The following DNAJC6 variants were observed in gnomAD, a reference collection of about 807,000 sequenced individuals.
DNAJC6 encodes DnaJ heat shock protein family (Hsp40) member C6.
In DNAJC6, 34 loss-of-function variants were observed where a neutral mutation model predicts 110.0. The ratio of observed to expected loss-of-function variants is 0.31; its 90% confidence interval spans 0.24 to 0.41. DNAJC6 has a LOEUF of 0.41. DNAJC6 is among the 10% of genes least tolerant of loss of function. The probability of loss-of-function intolerance (pLI) is 1.00; values close to 1 mark genes in which losing one functional copy is unlikely to be tolerated. For synonymous variants in DNAJC6, 406 were observed against 437.2 expected (o/e 0.93, Z 0.89); for missense variants, 1,031 against 1,207.8 (o/e 0.85, Z 2.17).
chr1:65,354,482 GGAT>G, intron 1 of DNAJC6, among the ~76,000 whole-genome samples: 1 of 152,246 alleles, frequency 6.6e-6, no homozygotes, highest in East Asian at 1.9e-4. Context: ...CTTTGTATGA[GGAT>G]GATGATAGTG....
chr1:65,320,877 C>T (rs12046957), intron 1 of DNAJC6, among the ~76,000 whole-genome samples: 16,737 of 152,032 alleles, frequency 0.11, 1,202 homozygotes, highest in East Asian at 0.27. Flanking sequence ...TGAGCTGACA[C>T]CTGAAGAAAC....
chr1:65,327,210 G>A (rs1250695287), intron 1 of DNAJC6, among the ~76,000 whole-genome samples: 1 of 152,190 alleles, frequency 6.6e-6, no homozygotes. Context: ...TTGCATGTTT[G>A]AGTAACAGTG....
chr1:65,308,285 G>A (rs753754966), upstream of DNAJC6, among the ~76,000 whole-genome samples: 22 of 152,174 alleles, frequency 1.4e-4, no homozygotes, highest in Non-Finnish European at 2.5e-4. Flanking sequence ...TTACATGCAC[G>A]TACTTTTTTC....
chr1:65,277,343 A>G (rs1406817786), intron 1 of DNAJC6, among the ~76,000 whole-genome samples: 2 of 152,156 alleles, frequency 1.3e-5, no homozygotes, highest in Non-Finnish European at 2.9e-5. Context: ...GCTTTGTTCC[A>G]GAGAATATGT....
chr1:65,375,537 T>G (rs6688876), intron 4 of DNAJC6, among the ~76,000 whole-genome samples: 37,972 of 151,760 alleles, frequency 0.25, 8,268 homozygotes, highest in East Asian at 0.61. Context: ...GCCATTCTTC[T>G]GCGTCAGCCT....
intron 17 of DNAJC6, among the ~76,000 whole-genome samples, chr1:65,409,283 C>T (rs541011499): frequency 2.6e-5 from 4 of 152,270 alleles, no homozygotes; most frequent in South Asian, 2.1e-4. Flanking sequence ...TTCTGGTGGC[C>T]ACTCTATTTC....
intron 1 of DNAJC6, among the ~76,000 whole-genome samples, chr1:65,339,460 T>C (rs1223025027): frequency 1.3e-5 from 2 of 152,192 alleles, no homozygotes; most frequent in Non-Finnish European, 2.9e-5. Context: ...AAGATAGTAA[T>C]GGCGTGTACA....
intron 6 of DNAJC6, among the ~76,000 whole-genome samples, 193 bp from the exon 7 acceptor site, chr1:65,385,519 A>G (rs1054415915): frequency 2.2e-4 from 33 of 152,266 alleles, no homozygotes; most frequent in Non-Finnish European, 1.5e-5. Flanking sequence ...TTGGGGAAGT[A>G]CAGCAATCTC....
chr1:65,367,589 G>T (rs1013139951), intron 4 of DNAJC6, among the ~76,000 whole-genome samples: 1 of 152,096 alleles, frequency 6.6e-6, no homozygotes, highest in Admixed American at 6.5e-5. Context: ...ATATTTCATA[G>T]AAATTTTATT....
chr1:65,265,914 C>G (rs907861961), intron 1 of DNAJC6, among the ~76,000 whole-genome samples: 7 of 152,192 alleles, frequency 4.6e-5, no homozygotes, highest in Admixed American at 4.6e-4. Flanking sequence ...TTTTAGGGTT[C>G]GCCGGCCCCC....
At chr1:65,346,726 A>G (rs180959974) in intron 1 of DNAJC6, among the ~76,000 whole-genome samples, 32 of 152,104 alleles carry the variant, frequency 2.1e-4, no homozygotes, top group Admixed American at 2.0e-3. Flanking sequence ...CTCAGTTATG[A>G]TCCTTTCACT....
intron 1 of DNAJC6, among the ~76,000 whole-genome samples, chr1:65,283,855 T>C (rs1469194391): frequency 6.6e-6 from 1 of 152,152 alleles, no homozygotes; most frequent in Non-Finnish European, 1.5e-5. Flanking sequence ...TTGTGGTGGG[T>C]GTGTAGTGAT....
intron 2 of DNAJC6, 103 bp from the exon 3 acceptor site, chr1:65,365,782 C>T (rs1241311778): frequency 7.7e-7 from 1 of 1,298,964 alleles, no homozygotes; most frequent in African/African-American, 1.5e-5. Flanking sequence ...AACATGCCCC[C>T]TGGACAGCGG....
At chr1:65,359,877 A>G (rs1645581797) in intron 1 of DNAJC6, among the ~76,000 whole-genome samples, 1 of 152,102 alleles carries the variant, frequency 6.6e-6, no homozygotes, top group Non-Finnish European at 1.5e-5. Flanking sequence ...TTGAAATTTG[A>G]CCCTCATACC....
At chr1:65,340,978 G>A (rs1450077873) in intron 1 of DNAJC6, among the ~76,000 whole-genome samples, 1 of 152,210 alleles carries the variant, frequency 6.6e-6, no homozygotes, top group Non-Finnish European at 1.5e-5. Context: ...TACCTAGGCT[G>A]ACATTTAACC....
chr1:65,267,309 T>C (rs1376882845), intron 1 of DNAJC6, among the ~76,000 whole-genome samples: 1 of 152,222 alleles, frequency 6.6e-6, no homozygotes, highest in African/African-American at 2.4e-5. Context: ...AGGACAGGAC[T>C]CTATTTCTTT....
intron 1 of DNAJC6, among the ~76,000 whole-genome samples, chr1:65,282,702 T>C (rs890831407): frequency 5.3e-5 from 8 of 152,350 alleles, no homozygotes; most frequent in Admixed American, 5.2e-4. Context: ...ATGTGTCTCC[T>C]GGTGTTCCTA....
intron 1 of DNAJC6, among the ~76,000 whole-genome samples, chr1:65,326,748 G>A (rs188462702): frequency 1.3e-5 from 2 of 152,272 alleles, no homozygotes; most frequent in East Asian, 3.9e-4. Context: ...TCTTCTCTGT[G>A]TACATGGCTT....
chr1:65,399,025 G>C, intron 14 of DNAJC6, 144 bp downstream of exon 14: 1 of 810,706 alleles, frequency 1.2e-6, no homozygotes, highest in Non-Finnish European at 2.0e-6. Flanking sequence ...TTCTAGAAGA[G>C]CTTTTCCCAA....
Sources: gnomAD v4.1 joint callset for allele counts (sites outside exome capture counted in the v4.1 genomes callset) on GRCh38, gnomAD v4.1.1 for gene constraint, MANE v1.5 for transcripts, NCBI Gene and HGNC (gene_info 2026-07-23, HGNC 2026-07-21) for gene names.